The following RHPN2 variants were observed in gnomAD, a reference collection of about 807,000 sequenced individuals.
RHPN2 encodes the protein rhophilin Rho GTPase binding protein 2, also known as rhophilin-2.
A neutral mutation model predicts 79.0 loss-of-function variants in RHPN2; 40 were observed. The observed-to-expected ratio is 0.51, with a 90% CI of 0.39 to 0.66. The LOEUF is 0.66. RHPN2 is among the 30% of genes least tolerant of loss of function. RHPN2 has a pLI of 0.00. For synonymous variants in RHPN2, 285 were observed against 363.5 expected, an observed-to-expected ratio of 0.78 and a Z score of 2.46; for missense variants, 686 against 883.5, an observed-to-expected ratio of 0.78 and a Z score of 2.83.
At chr19:32,993,068 T>C (rs1231816507) in intron 12 of RHPN2, among the ~76,000 whole-genome samples, 1 of 152,042 alleles carries the variant, frequency 6.6e-6, no homozygotes. Flanking sequence ...CAGTGAGCTA[T>C]GATCATGCCG....
chr19:32,990,957 A>G (rs1288075972), intron 13 of RHPN2, among the ~76,000 whole-genome samples: 1 of 148,776 alleles, frequency 6.7e-6, no homozygotes, highest in Admixed American at 6.9e-5. Flanking sequence ...TGAACCCGGG[A>G]GGCAGACATT....
chr19:33,064,583 G>T (rs1296354299), intron 1 of RHPN2, among the ~76,000 whole-genome samples: 1 of 151,956 alleles, frequency 6.6e-6, no homozygotes. Context: ...AGTCCCGGAT[G>T]CCACCTGCCC....
chr19:33,028,936 C>T (rs533217283), intron 2 of RHPN2, among the ~76,000 whole-genome samples: 1 of 151,880 alleles, frequency 6.6e-6, no homozygotes, highest in African/African-American at 2.4e-5. Context: ...GTCAGGAGTT[C>T]AAGACCAGCC....
Position 33,010,449 on chromosome 19 carries a change from C to A in RHPN2, c.593+1230G>T, listed in dbSNP as rs1434324826. Among the ~76,000 whole-genome samples the A allele has an allele frequency of 2.0e-5, 3 of 148,424 alleles. No individual in the cohort carries two copies. The East Asian group carries it at 6.0e-4, about 30-fold the overall frequency. ...CCAGGCTGGAGTGCAGTGGTGTGAT[C>A]TTGGCTCATTGCAACCTCTGCCTCC... On this transcript the variant is annotated intron_variant, in intron 6 of 14. Transcript: ENST00000254260.
chr19:33,058,308 G>A (rs1972250742), intron 1 of RHPN2, among the ~76,000 whole-genome samples: 2 of 152,234 alleles, frequency 1.3e-5, no homozygotes, highest in Non-Finnish European at 2.9e-5. Context: ...GTCAGGGTCT[G>A]GAATGCCCCA....
At chr19:33,026,717 G>T in intron 2 of RHPN2, 85 bp from the exon 3 acceptor site, 5 of 1,487,418 alleles carry the variant, frequency 3.4e-6, no homozygotes, top group Non-Finnish European at 4.6e-6. Context: ...AGTCCCTGCA[G>T]GGAGGATCAG....
Position 33,002,237 on chromosome 19 carries a change from C to G in RHPN2, c.1105+10G>C, listed in dbSNP as rs746352214. On this transcript the variant is annotated intron_variant, in intron 9 of 14. Coordinates refer to ENST00000254260, the MANE Select transcript of RHPN2 (RefSeq NM_033103.5). Reference sequence around the variant, plus strand: ...GCCCTCGCCAAACTCCCGAACCCCCCAGGCCTTACCCTGGTGGTCGATGAG... The same window carrying G: ...GCCCTCGCCAAACTCCCGAACCCCCGAGGCCTTACCCTGGTGGTCGATGAG... The G allele has an allele frequency of 1.9e-6, 3 of 1,612,218 alleles. No individual in the cohort carries two copies. The highest frequency in any genetic ancestry group is 2.2e-5 in the East Asian group (1 of 44,844).
chr19:33,000,147 A>T (rs1193296451), intron 9 of RHPN2, among the ~76,000 whole-genome samples: 2 of 150,360 alleles, frequency 1.3e-5, no homozygotes, highest in East Asian at 2.0e-4. Flanking sequence ...GCTGGGATCA[A>T]ATGTGTGAGC....
At chr19:33,005,920 G>T (rs551966928) in intron 7 of RHPN2, among the ~76,000 whole-genome samples, 42 of 151,914 alleles carry the variant, frequency 2.8e-4, no homozygotes, top group Non-Finnish European at 5.0e-4. Flanking sequence ...TTGGGACAGG[G>T]TCTTGCTCTG....
chr19:33,050,473 C>T (rs143681876), intron 1 of RHPN2, among the ~76,000 whole-genome samples: 44 of 152,230 alleles, frequency 2.9e-4, no homozygotes, highest in Middle Eastern at 3.4e-3. Flanking sequence ...ACCTGCGTAA[C>T]CATCACTCCT....
At chr19:33,038,964 G>GT (rs199618240) in intron 2 of RHPN2, among the ~76,000 whole-genome samples, 20 of 149,882 alleles carry the variant, frequency 1.3e-4, no homozygotes, top group South Asian at 4.3e-4. Context: ...GGTCTAAAAA[G>GT]TTTTTTTTTT....
At chr19:32,994,708 T>C (rs6510317) in intron 11 of RHPN2, among the ~76,000 whole-genome samples, 92,326 of 150,240 alleles carry the variant, frequency 0.61, 29,267 homozygotes, top group African/African-American at 0.77. Flanking sequence ...ATGCTTGTAA[T>C]CCCAGCACTT....
At position 32,979,694 on chromosome 19, in the gene RHPN2, A is replaced by T; in HGVS notation, c.*302T>A. Reference sequence around the variant, plus strand: ...CCCAATTTAATAGTGACTAAAAGTCATAATTGTCACCATTAAAAATAGCCA... The same window carrying T: ...CCCAATTTAATAGTGACTAAAAGTCTTAATTGTCACCATTAAAAATAGCCA... On this transcript the variant is annotated 3_prime_UTR_variant, in exon 15 of 15. Coordinates refer to ENST00000254260, the MANE Select transcript of RHPN2 (RefSeq NM_033103.5). 2.7e-6 allele frequency: 1 copy of T among 366,270 alleles called. No individual in the cohort carries two copies. Among genetic ancestry groups the T allele is most frequent in the Non-Finnish European group, 5.0e-6 (1 of 198,142 alleles). 22.7% of individuals were successfully genotyped at this position (366,270 alleles called of 1,614,324 possible).
chr19:33,046,528 A>G (rs1459339262), intron 1 of RHPN2, among the ~76,000 whole-genome samples: 3 of 152,100 alleles, frequency 2.0e-5, no homozygotes, highest in Admixed American at 6.6e-5. Flanking sequence ...TGGCTTCCCA[A>G]TATGCTGGGA....
intron 14 of RHPN2, among the ~76,000 whole-genome samples, chr19:32,983,420 G>A (rs1971592514): frequency 2.0e-5 from 3 of 151,760 alleles, no homozygotes; most frequent in African/African-American, 2.4e-5. Flanking sequence ...GCTGAGGCAG[G>A]AGAATGGCAT....
intron 10 of RHPN2, among the ~76,000 whole-genome samples, chr19:32,996,741 A>T (rs1053024257): frequency 6.6e-5 from 10 of 151,844 alleles, no homozygotes; most frequent in South Asian, 2.1e-4. Flanking sequence ...ATAAAAGAAA[A>T]TCTAGCCCCT....
At chr19:33,002,102 G>A in intron 9 of RHPN2, 145 bp downstream of exon 9, 5 of 995,444 alleles carry the variant, frequency 5.0e-6, no homozygotes, top group Non-Finnish European at 7.7e-6. Flanking sequence ...TGCGGCAGCT[G>A]CCTCAGTCAT....
chr19:32,999,982 A>G (rs1971736265), intron 9 of RHPN2, among the ~76,000 whole-genome samples: 1 of 151,920 alleles, frequency 6.6e-6, no homozygotes, highest in South Asian at 2.1e-4. Context: ...TGATCCTCCC[A>G]CCTCACCTCC....
At chr19:33,036,490 C>T (rs970709395) in intron 2 of RHPN2, among the ~76,000 whole-genome samples, 1 of 152,196 alleles carries the variant, frequency 6.6e-6, no homozygotes, top group Non-Finnish European at 1.5e-5. Context: ...GTCCTCACAG[C>T]CCTCGCTTGC....
Sources: allele counts gnomAD v4.1 joint callset (sites outside exome capture counted in the v4.1 genomes callset), GRCh38; gene constraint gnomAD v4.1.1; transcripts MANE v1.5; gene names NCBI Gene and HGNC (gene_info 2026-07-23, HGNC 2026-07-21).